Variants in HHLA1 observed in about 807,000 individuals in gnomAD.
HHLA1 encodes HERV-H LTR-associating protein 1.
Under a neutral mutation model 69.9 loss-of-function variants are expected in HHLA1, and 72 were observed. That is an observed-to-expected ratio of 1.03 (90% CI 0.85 to 1.25). The LOEUF (loss-of-function observed/expected upper bound fraction) is 1.25, where lower values mean the gene tolerates loss of function less well. HHLA1 is among the 50% of genes most tolerant of loss of function. The pLI, the probability that HHLA1 is intolerant of heterozygous loss-of-function variation, is 0.00. For synonymous variants in HHLA1, 252 were observed against 233.2 expected, an observed-to-expected ratio of 1.08 and a Z score of -0.73; for missense variants, 685 against 642.2, an observed-to-expected ratio of 1.07 and a Z score of -0.72.
intron 14 of HHLA1, 106 bp downstream of exon 14, chr8:132,075,949 T>A: frequency 1.3e-6 from 1 of 796,798 alleles, no homozygotes; most frequent in Non-Finnish European, 2.0e-6. Context: ...TTGAATCCCA[T>A]GAGTCTGATT....
At chr8:132,104,787 G>A (rs1348703231) in intron 2 of HHLA1, among the ~76,000 whole-genome samples, 2 of 152,226 alleles carry the variant, frequency 1.3e-5, no homozygotes, top group African/African-American at 2.4e-5. Context: ...TAGGAACTCC[G>A]CAAATAATTT....
rs1213116360 is a variant in HHLA1 at position 132,087,699 on chromosome 8, A to T, written c.630T>A (p.Tyr210Ter). ...TGGTAAATGTGTAATTGATAATGGGATATTTTTCTTCTATCTCCCAGAAGT... is the reference window on the plus strand; with the variant it reads ...TGGTAAATGTGTAATTGATAATGGGTTATTTTTCTTCTATCTCCCAGAAGT... ...LSDFWEIEEK[Y>*]PIINYTFTSG... is the part of the protein sequence containing the mutation. The change falls in exon 10 of 17, where the codon TAT becomes TAA. Residue 210 changes from tyrosine to a stop codon, truncating the protein, a stop_gained. Transcript: ENST00000414222. LOFTEE classifies it high-confidence loss of function. 2.6e-6 allele frequency: 4 copies of T among 1,551,494 alleles called. No homozygotes were observed. Among genetic ancestry groups the T allele is most frequent in the Non-Finnish European group, 3.5e-6 (4 of 1,146,946 alleles).
intron 3 of HHLA1, chr8:132,101,208 G>A: frequency 6.5e-7 from 1 of 1,550,168 alleles, no homozygotes; most frequent in Non-Finnish European, 8.7e-7. Context: ...TACAGAGTAA[G>A]TCAGGATTTA....
At chr8:132,090,708 C>A (rs1020714576) in intron 7 of HHLA1, among the ~76,000 whole-genome samples, 1 of 151,518 alleles carries the variant, frequency 6.6e-6, no homozygotes, top group Admixed American at 6.6e-5. Flanking sequence ...GGTATAGACA[C>A]CTGTATATGC....
At chr8:132,108,221 G>A (rs952175868) in intron 1 of HHLA1, among the ~76,000 whole-genome samples, 4 of 152,154 alleles carry the variant, frequency 2.6e-5, no homozygotes, top group Admixed American at 6.5e-5. Flanking sequence ...AGACTGTAGC[G>A]GACAGTGTCT....
intron 12 of HHLA1, 63 bp from the exon 13 acceptor site, chr8:132,076,606 G>A (rs1300552786): frequency 8.8e-7 from 1 of 1,142,486 alleles, no homozygotes; most frequent in Admixed American, 3.2e-5. Context: ...GGGAGAAGAT[G>A]ACCAGGGCCA....
rs1000674972 is a variant in HHLA1 at position 132,078,104 on chromosome 8, G to A, written c.926-133C>T. 5.1e-6 allele frequency: 5 copies of A among 970,978 alleles called. No homozygotes were observed. The African/African-American group carries it at 8.3e-5, about 16-fold the overall frequency. 60.1% of individuals were successfully genotyped at this position (970,978 alleles called of 1,614,324 possible). A position where few individuals can be genotyped will look rare whatever the true frequency, so the allele number is the denominator to read the frequency against. On this transcript the variant is annotated intron_variant, in intron 11 of 16. Coordinates refer to ENST00000414222, the MANE Select transcript of HHLA1 (RefSeq NM_001145095.3). ...GAACGTGTAATATAAGTAATCCAGG[G>A]GCTTAAACTTTACTCTGAACTGAAA...
intron 14 of HHLA1, among the ~76,000 whole-genome samples, chr8:132,074,140 C>G (rs1040445185): frequency 2.0e-5 from 3 of 152,168 alleles, no homozygotes; most frequent in African/African-American, 4.8e-5. Flanking sequence ...CAACATCAGT[C>G]CTTTTAAGGT....
intron 3 of HHLA1, chr8:132,101,081 G>C (rs1824103631): frequency 7.5e-7 from 1 of 1,336,088 alleles, no homozygotes; most frequent in Admixed American, 3.3e-5. Flanking sequence ...CATGTAACAT[G>C]AAAAATGACC....
chr8:132,095,870 T>A, intron 5 of HHLA1, 84 bp from the exon 6 acceptor site: 1 of 688,630 alleles, frequency 1.5e-6, no homozygotes, highest in Non-Finnish European at 2.3e-6. Flanking sequence ...CCCTAGAAAT[T>A]AACAATGCCA....
Position 132,087,886 on chromosome 8 carries a change from T to G in HHLA1, c.548A>C (p.Glu183Ala). 1 of 1,551,452 alleles carries G rather than the reference T, an allele frequency of 6.4e-7. No individual in the cohort carries two copies. The highest frequency in any genetic ancestry group is 8.7e-7 in the Non-Finnish European group (1 of 1,146,586). The stretch of plus-strand genomic sequence containing the variant: ...CACACAGATGAAGATGCAATCTGAT[T>G]CATTGCTTTGATTCACTGTAAGACA... ...TSILSVNQSNESDCIFICVMT... is the reference protein window; with the variant it reads ...TSILSVNQSNASDCIFICVMT... The change falls in exon 9 of 17, where the codon GAA becomes GCA. Residue 183 changes from glutamate (E) to alanine (A), a missense_variant. By Grantham distance (107) the Glu-to-Ala change is moderately radical. Transcript: ENST00000414222.
intron 2 of HHLA1, 31 bp from the exon 3 acceptor site, chr8:132,104,198 T>C (rs1824165828): frequency 4.8e-6 from 7 of 1,466,704 alleles, no homozygotes; most frequent in Non-Finnish European, 6.5e-6. Flanking sequence ...TCACAGAAAT[T>C]ATAACCAAGA....
chr8:132,089,765 A>C (rs1274398529), intron 7 of HHLA1, among the ~76,000 whole-genome samples, 166 bp from the exon 8 acceptor site: 1 of 152,208 alleles, frequency 6.6e-6, no homozygotes, highest in Non-Finnish European at 1.5e-5. Context: ...TAAAAAATGA[A>C]AAGTCTTGAT....
intron 4 of HHLA1, among the ~76,000 whole-genome samples, chr8:132,099,212 A>T (rs1824076018): frequency 6.6e-6 from 1 of 152,212 alleles, no homozygotes. Flanking sequence ...ACTTTTAGTG[A>T]CAATTGCATC....
intron 10 of HHLA1, among the ~76,000 whole-genome samples, chr8:132,083,576 G>C: frequency 6.6e-6 from 1 of 152,202 alleles, no homozygotes; most frequent in East Asian, 1.9e-4. Context: ...GGCTCTGGGA[G>C]TGGCTGCCAG....
At chr8:132,084,299 G>C (rs1225754953) in intron 10 of HHLA1, among the ~76,000 whole-genome samples, 1 of 152,028 alleles carries the variant, frequency 6.6e-6, no homozygotes, top group Non-Finnish European at 1.5e-5. Context: ...GAGCAGCCTG[G>C]GGAGGAAGGG....
chr8:132,076,426 C>CCCCCCCCCCAAA, intron 13 of HHLA1, 49 bp downstream of exon 13: 1 of 697,674 alleles, frequency 1.4e-6, no homozygotes, highest in Non-Finnish European at 2.5e-6. Flanking sequence ...GCTTCCCACC[C>CCCCCCCCCCAAA]CTCCCATCCC....
chr8:132,110,008 G>A (rs1033285869), intron 1 of HHLA1, among the ~76,000 whole-genome samples: 2 of 152,102 alleles, frequency 1.3e-5, no homozygotes, highest in Non-Finnish European at 2.9e-5. Context: ...GAGTGTGGAC[G>A]GTGAAGGCAA....
intron 5 of HHLA1, 79 bp from the exon 6 acceptor site, chr8:132,095,865 G>A: frequency 1.3e-5 from 9 of 718,798 alleles, no homozygotes; most frequent in Admixed American, 6.7e-5. Context: ...ACAGTCCCTA[G>A]AAATTAACAA....
Sources: gnomAD v4.1 joint callset for allele counts (sites outside exome capture counted in the v4.1 genomes callset) on GRCh38, gnomAD v4.1.1 for gene constraint, MANE v1.5 for transcripts, NCBI Gene and HGNC (gene_info 2026-07-23, HGNC 2026-07-21) for gene names.